Variants in CD48 observed in about 807,000 individuals in gnomAD.
The protein encoded by CD48 is CD48 molecule, also known as CD48 antigen.
A neutral mutation model predicts 22.0 loss-of-function variants in CD48; 20 were observed. The ratio of observed to expected loss-of-function variants is 0.91; its 90% confidence interval spans 0.64 to 1.32. The LOEUF is 1.32. Among genes scored for constraint, CD48 ranks in the 40% most tolerant of loss-of-function variants. The pLI is 0.00. For missense variants in CD48, 307 were observed against 286.5 expected (o/e 1.07, Z -0.52); for synonymous variants, 110 against 110.1 (o/e 1.00, Z 0.01).
At chr1:160,700,807 T>C (rs917849795) in intron 1 of CD48, among the ~76,000 whole-genome samples, 1 of 152,186 alleles carries the variant, frequency 6.6e-6, no homozygotes. Flanking sequence ...TTGAACTTTT[T>C]GAGGTTGAAT....
intron 1 of CD48, among the ~76,000 whole-genome samples, chr1:160,694,679 G>T (rs1042218333): frequency 3.3e-5 from 5 of 152,028 alleles, no homozygotes; most frequent in African/African-American, 1.2e-4. Flanking sequence ...AAAGGGACTA[G>T]GAAAAAATGA....
intron 2 of CD48, 93 bp from the exon 3 acceptor site, chr1:160,681,561 G>A: frequency 1.4e-6 from 2 of 1,469,520 alleles, no homozygotes; most frequent in South Asian, 1.3e-5. Flanking sequence ...CAGGGAAGGG[G>A]CCTGAATGCC....
chr1:160,711,577 A>T, intron 1 of CD48, 105 bp downstream of exon 1: 1 of 838,732 alleles, frequency 1.2e-6, no homozygotes, highest in Non-Finnish European at 2.0e-6. Context: ...CCTGCTTTCC[A>T]GACACCAGAT....
chr1:160,694,137 A>G (rs1662324639), intron 1 of CD48, among the ~76,000 whole-genome samples: 1 of 152,240 alleles, frequency 6.6e-6, no homozygotes, highest in African/African-American at 2.4e-5. Flanking sequence ...GGTGAAATTC[A>G]ATTGGTTATT....
At chr1:160,698,789 G>A (rs571866625) in intron 1 of CD48, among the ~76,000 whole-genome samples, 556 of 135,228 alleles carry the variant, frequency 4.1e-3, no homozygotes, top group South Asian at 7.3e-3. Context: ...ACAAATTTTC[G>A]AAGCATCAAA....
In CD48 at chr1:160,685,105, AGTT is replaced by A; in HGVS notation, c.164_166del (p.Gln55del). On this transcript the variant is annotated inframe_deletion, in exon 2 of 4. Coordinates refer to ENST00000368046, the MANE Select transcript of CD48 (RefSeq NM_001778.4). ...CTGGTCGAAAGTATAAAACCAGGTT[AGTT>A]GTTTGTAGTTCTCAGGCAGGCTCTC... 3 of 1,614,048 alleles carry A rather than the reference AGTT, an allele frequency of 1.9e-6. No homozygotes were observed. Among genetic ancestry groups the A allele is most frequent in the Non-Finnish European group, 2.5e-6 (3 of 1,179,926 alleles).
At chr1:160,695,657 CA>C (rs1184204544) in intron 1 of CD48, among the ~76,000 whole-genome samples, 122 of 151,650 alleles carry the variant, frequency 8.0e-4, no homozygotes, top group African/African-American at 2.8e-3. Context: ...CCAGAGGCAA[CA>C]AAAGAAATTA....
chr1:160,694,541 A>T (rs971591516), intron 1 of CD48, among the ~76,000 whole-genome samples: 1 of 152,140 alleles, frequency 6.6e-6, no homozygotes, highest in Non-Finnish European at 1.5e-5. Context: ...GCCAATGATC[A>T]CTTCAATTCC....
chr1:160,708,653 C>A (rs1223098442), intron 1 of CD48, among the ~76,000 whole-genome samples: 1 of 152,142 alleles, frequency 6.6e-6, no homozygotes, highest in Non-Finnish European at 1.5e-5. Flanking sequence ...GCCTGAGCAA[C>A]TAGACAAGTG....
intron 1 of CD48, among the ~76,000 whole-genome samples, chr1:160,710,949 G>A (rs558926911): frequency 6.6e-6 from 1 of 152,316 alleles, no homozygotes; most frequent in South Asian, 2.1e-4. Context: ...AAAGTCAAAG[G>A]TTTCACTGCT....
At chr1:160,687,347 A>G (rs11589131) in intron 1 of CD48, among the ~76,000 whole-genome samples, 43,034 of 152,022 alleles carry the variant, frequency 0.28, 6,964 homozygotes, top group Non-Finnish European at 0.38. Flanking sequence ...CAATTATCAC[A>G]TGGTCCTGAG....
chr1:160,698,672 A>G (rs1262297654), intron 1 of CD48, among the ~76,000 whole-genome samples: 1 of 152,126 alleles, frequency 6.6e-6, no homozygotes, highest in Non-Finnish European at 1.5e-5. Context: ...AGATTTTTGT[A>G]TTACACCCCA....
At position 160,678,886 on chromosome 1, in the gene CD48, A is replaced by T. The variant is rs547727046; in HGVS notation, c.*166T>A. 8 of 589,410 alleles carry T rather than the reference A, an allele frequency of 1.4e-5. No homozygotes were observed. The South Asian group carries it at 1.5e-4, about 11-fold the overall frequency. The allele number at this position is 589,410 out of a possible 1,614,324, so 36.5% of individuals were successfully genotyped here. A position where few individuals can be genotyped will look rare whatever the true frequency, so the allele number is the denominator to read the frequency against. On this transcript the variant is annotated 3_prime_UTR_variant, in exon 4 of 4. Coordinates refer to ENST00000368046, the MANE Select transcript of CD48 (RefSeq NM_001778.4). ...ACTAGAAAACAACAAAGGGATATAAAATTAAATAATAACCAGTATTTAAAA... is the reference window on the plus strand; with the variant it reads ...ACTAGAAAACAACAAAGGGATATAATATTAAATAATAACCAGTATTTAAAA...
chr1:160,702,297 G>A (rs1662654979), intron 1 of CD48, among the ~76,000 whole-genome samples: 1 of 152,128 alleles, frequency 6.6e-6, no homozygotes, highest in East Asian at 1.9e-4. Flanking sequence ...GCCTCCTACT[G>A]TGGAGGAGGA....
intron 2 of CD48, among the ~76,000 whole-genome samples, chr1:160,683,085 A>C (rs139413958): frequency 1.5e-3 from 235 of 152,344 alleles, no homozygotes; most frequent in African/African-American, 5.2e-3. Flanking sequence ...TGCTCAGACT[A>C]CAGAGGTGAT....
chr1:160,684,712 C>T (rs1428063242), intron 2 of CD48, 175 bp downstream of exon 2: 10 of 1,529,096 alleles, frequency 6.5e-6, no homozygotes, highest in African/African-American at 1.4e-5. Context: ...ATTTGGATAT[C>T]TGTTGACCTA....
At chr1:160,684,595 G>T in intron 2 of CD48, 1 of 850,392 alleles carries the variant, frequency 1.2e-6, no homozygotes, top group Non-Finnish European at 1.8e-6. Context: ...GATTTAGGTT[G>T]ATCACAGGAC....
intron 1 of CD48, among the ~76,000 whole-genome samples, chr1:160,702,241 C>T (rs928196607): frequency 6.6e-6 from 1 of 152,088 alleles, no homozygotes; most frequent in Non-Finnish European, 1.5e-5. Context: ...GGCAAAGAAT[C>T]AGGAAGTAAA....
In CD48 at chr1:160,679,750, C is replaced by T. The variant is rs992755677; in HGVS notation, c.653-619G>A. ...CTAAAAAGTGACAGATGGGTTTACC[C>T]TTCCAAAAAAAATGGATTTATTATT... On this transcript the variant is annotated intron_variant, in intron 3 of 3. Coordinates refer to ENST00000368046, the MANE Select transcript of CD48 (RefSeq NM_001778.4). Among the ~76,000 whole-genome samples, 3 of 152,098 alleles carry T rather than the reference C, an allele frequency of 2.0e-5. No individual in the cohort carries two copies. In the South Asian group the frequency reaches 6.2e-4, roughly 31 times the overall value.
Sources: gnomAD v4.1 joint callset for allele counts (sites outside exome capture counted in the v4.1 genomes callset) on GRCh38, gnomAD v4.1.1 for gene constraint, MANE v1.5 for transcripts, NCBI Gene and HGNC (gene_info 2026-07-23, HGNC 2026-07-21) for gene names.